Variants in ATP2B2 observed in about 807,000 individuals in gnomAD.
The protein encoded by ATP2B2 is plasma membrane calcium-transporting ATPase 2.
Under a neutral mutation model 120.0 loss-of-function variants are expected in ATP2B2, and 15 were observed. That is an observed-to-expected ratio of 0.12 (90% CI 0.08 to 0.19). The LOEUF is 0.19. Among genes scored for constraint, ATP2B2 ranks in the 10% least tolerant of loss-of-function variants. The probability of loss-of-function intolerance (pLI) is 1.00; values close to 1 mark genes in which losing one functional copy is unlikely to be tolerated. For synonymous variants in ATP2B2, 694 were observed against 700.3 expected (o/e 0.99, Z 0.14); for missense variants, 1,045 against 1,719.8 (o/e 0.61, Z 6.94).
chr3:10,663,972 C>G (rs1412487671), intron 1 of ATP2B2, among the ~76,000 whole-genome samples: 3 of 152,060 alleles, frequency 2.0e-5, no homozygotes, highest in African/African-American at 7.3e-5. Context: ...ACAATGATGC[C>G]AACTAACCCC....
intron 2 of ATP2B2, among the ~76,000 whole-genome samples, chr3:10,605,195 A>G (rs1217951949): frequency 6.6e-6 from 1 of 152,220 alleles, no homozygotes; most frequent in Non-Finnish European, 1.5e-5. Context: ...GAAATTGTTC[A>G]TGGGTGATGG....
chr3:10,569,785 C>A (rs1344119761), intron 2 of ATP2B2, among the ~76,000 whole-genome samples: 1 of 152,176 alleles, frequency 6.6e-6, no homozygotes, highest in African/African-American at 2.4e-5. Context: ...CAACCGGAGG[C>A]TGAACCCTAA....
At chr3:10,359,308 T>A (rs2060829242) in intron 13 of ATP2B2, among the ~76,000 whole-genome samples, 1 of 152,186 alleles carries the variant, frequency 6.6e-6, no homozygotes, top group Non-Finnish European at 1.5e-5. Context: ...GTTCAATTTG[T>A]CTGGGGTGAA....
chr3:10,564,955 C>T (rs1484576585), intron 2 of ATP2B2, among the ~76,000 whole-genome samples: 1 of 152,148 alleles, frequency 6.6e-6, no homozygotes. Context: ...CTAGGTGTAG[C>T]CATGTGACTA....
At chr3:10,518,516 A>C (rs2066919455) in intron 3 of ATP2B2, among the ~76,000 whole-genome samples, 1 of 152,284 alleles carries the variant, frequency 6.6e-6, no homozygotes, top group Non-Finnish European at 1.5e-5. Flanking sequence ...GCATGCCCCC[A>C]AGCTGAGAGT....
intron 2 of ATP2B2, among the ~76,000 whole-genome samples, chr3:10,420,342 T>C (rs2062931618): frequency 6.7e-6 from 1 of 150,368 alleles, no homozygotes; most frequent in African/African-American, 2.5e-5. Flanking sequence ...TAACTTCCCC[T>C]CTCTGTGTCT....
At chr3:10,459,618 C>T (rs1041966902) in intron 1 of ATP2B2, among the ~76,000 whole-genome samples, 1 of 152,278 alleles carries the variant, frequency 6.6e-6, no homozygotes, top group Non-Finnish European at 1.5e-5. Context: ...ATGACACTGT[C>T]CTCTTCTGCC....
chr3:10,330,591 C>G (rs1371677381), intron 22 of ATP2B2, among the ~76,000 whole-genome samples: 1 of 152,224 alleles, frequency 6.6e-6, no homozygotes, highest in African/African-American at 2.4e-5. Flanking sequence ...CTGCTGTGTG[C>G]AGGCCAAGTG....
intron 10 of ATP2B2, among the ~76,000 whole-genome samples, chr3:10,377,842 T>C (rs978292511): frequency 3.3e-5 from 5 of 152,240 alleles, no homozygotes; most frequent in Non-Finnish European, 7.3e-5. Context: ...CTCCAGCTGC[T>C]GCACCTGCCA....
intron 1 of ATP2B2, among the ~76,000 whole-genome samples, chr3:10,479,153 A>T (rs1261398853): frequency 6.6e-6 from 1 of 152,098 alleles, no homozygotes; most frequent in Non-Finnish European, 1.5e-5. Flanking sequence ...ACAGACTAAT[A>T]CACTGGCCTC....
intron 1 of ATP2B2, among the ~76,000 whole-genome samples, chr3:10,504,965 G>A (rs887824955): frequency 2.6e-5 from 4 of 152,088 alleles, no homozygotes; most frequent in Non-Finnish European, 5.9e-5. Flanking sequence ...CCAAAGGGAC[G>A]CTTCACAGGG....
chr3:10,348,436 C>T (rs909252275), intron 16 of ATP2B2, among the ~76,000 whole-genome samples: 2 of 152,214 alleles, frequency 1.3e-5, no homozygotes, highest in African/African-American at 2.4e-5. Context: ...GTTCCTGTGC[C>T]TGGTGACACG....
chr3:10,453,655 A>C (rs565249900), intron 1 of ATP2B2, among the ~76,000 whole-genome samples: 6 of 152,228 alleles, frequency 3.9e-5, no homozygotes, highest in African/African-American at 7.2e-5. Flanking sequence ...GCTGTTTTCT[A>C]TCTGTGCCTG....
chr3:10,670,848 T>C lies in ATP2B2; in HGVS notation c.-460+37067A>G, dbSNP rs1241439988. Among the ~76,000 whole-genome samples, 3 of 152,174 alleles carry C rather than the reference T, an allele frequency of 2.0e-5. No individual in the cohort carries two copies. In the East Asian group the frequency reaches 5.8e-4, roughly 29 times the overall value. On this transcript the variant is annotated intron_variant, in intron 1 of 21. Transcript: ENST00000646379. The stretch of plus-strand genomic sequence containing the variant: ...GCAGCCAGAACAGAAATAAATCTAA[T>C]ATTGGAAAAGAATACAAGAACAATT...
At chr3:10,700,869 G>T (rs959268761) in intron 1 of ATP2B2, among the ~76,000 whole-genome samples, 1 of 152,210 alleles carries the variant, frequency 6.6e-6, no homozygotes, top group Non-Finnish European at 1.5e-5. Flanking sequence ...TGCCTTGATT[G>T]CCAAGAGAAG....
intron 1 of ATP2B2, among the ~76,000 whole-genome samples, chr3:10,640,105 C>T (rs1032039268): frequency 2.6e-5 from 4 of 152,200 alleles, no homozygotes; most frequent in African/African-American, 9.6e-5. Flanking sequence ...GGGAATCAGC[C>T]AGCACTGGGT....
intron 3 of ATP2B2, among the ~76,000 whole-genome samples, chr3:10,515,616 C>A (rs536462576): frequency 6.6e-6 from 1 of 152,074 alleles, no homozygotes; most frequent in African/African-American, 2.4e-5. Flanking sequence ...CAGAACTACC[C>A]GGGCTAGAGG....
chr3:10,499,177 C>T lies in ATP2B2; in HGVS notation c.-320+6288G>A, dbSNP rs137939127. 3.0e-4 allele frequency among the ~76,000 whole-genome samples: 46 copies of T among 152,350 alleles called. 1 individual carries two copies. The East Asian group carries it at 8.5e-3, about 28-fold the overall frequency. ...TGGCGAGGCCCTGAGCCAAGTGCTT[C>T]CTTTGCATTACTTCACCAAATCCTC... On this transcript the variant is annotated intron_variant, in intron 1 of 22. Transcript: ENST00000360273.
intron 2 of ATP2B2, among the ~76,000 whole-genome samples, chr3:10,445,627 G>A (rs1310828648): frequency 6.6e-6 from 1 of 152,244 alleles, no homozygotes; most frequent in Middle Eastern, 3.2e-3. Flanking sequence ...CGTGCCCTGG[G>A]TGAGCGCTGA....
Sources: gnomAD v4.1 joint callset for allele counts (sites outside exome capture counted in the v4.1 genomes callset) on GRCh38, gnomAD v4.1.1 for gene constraint, MANE v1.5 for transcripts, NCBI Gene and HGNC (gene_info 2026-07-23, HGNC 2026-07-21) for gene names.